The following NBEA variants were observed in gnomAD, a reference collection of about 807,000 sequenced individuals.
The protein encoded by NBEA is lysosomal-trafficking regulator 2.
Under a neutral mutation model 343.4 loss-of-function variants are expected in NBEA, and 44 were observed. The observed-to-expected ratio is 0.13, with a 90% CI of 0.10 to 0.16. The LOEUF (loss-of-function observed/expected upper bound fraction) is 0.16, where lower values mean the gene tolerates loss of function less well. Among genes scored for constraint, NBEA ranks in the 10% least tolerant of loss-of-function variants. The probability of loss-of-function intolerance (pLI) is 1.00; values close to 1 mark genes in which losing one functional copy is unlikely to be tolerated. For synonymous variants in NBEA, 1,175 were observed against 1,238.7 expected (o/e 0.95, Z 1.08); for missense variants, 2,555 against 3,631.3 (o/e 0.70, Z 7.62).
intron 31 of NBEA, among the ~76,000 whole-genome samples, chr13:35,199,842 T>C (rs892722784): frequency 2.0e-5 from 3 of 152,142 alleles, no homozygotes; most frequent in Non-Finnish European, 4.4e-5. Context: ...TTATGAAATA[T>C]TACATAAATG....
chr13:35,610,814 T>C (rs1046237533), intron 48 of NBEA, among the ~76,000 whole-genome samples: 6 of 152,042 alleles, frequency 3.9e-5, no homozygotes, highest in Non-Finnish European at 5.9e-5. Flanking sequence ...GACTAGGATC[T>C]AAAATATATA....
At chr13:35,125,350 G>GA (rs935894480) in intron 17 of NBEA, among the ~76,000 whole-genome samples, 2 of 152,172 alleles carry the variant, frequency 1.3e-5, no homozygotes, top group African/African-American at 4.8e-5. Flanking sequence ...AAGTGTCAGT[G>GA]AAAGTAGAGT....
chr13:34,942,532 A>C lies in NBEA; in HGVS notation c.-289A>C. The C allele has an allele frequency of 5.7e-6, 1 of 176,074 alleles. No individual in the cohort carries two copies. Among genetic ancestry groups the C allele is most frequent in the Non-Finnish European group, 9.9e-6 (1 of 100,532 alleles). The allele number at this position is 176,074 out of a possible 1,614,324, so 10.9% of individuals were successfully genotyped here. On this transcript the variant is annotated 5_prime_UTR_variant, in exon 1 of 59. Coordinates refer to ENST00000379939, the MANE Select transcript of NBEA (RefSeq NM_001385012.1). ...AGAGAGCAGAGGCAGCGGCGGCGGC[A>C]GCGGCAGCGGCAGCGGCACACCTGC... is the stretch of plus-strand genomic sequence containing the variant.
At chr13:35,469,387 G>A (rs1405750113) in intron 40 of NBEA, among the ~76,000 whole-genome samples, 1 of 151,992 alleles carries the variant, frequency 6.6e-6, no homozygotes, top group African/African-American at 2.4e-5. Context: ...GGCGGTTTTT[G>A]TTCTAGTTCA....
intron 28 of NBEA, among the ~76,000 whole-genome samples, chr13:35,181,934 A>G (rs1311708098): frequency 1.3e-5 from 2 of 151,522 alleles, no homozygotes; most frequent in African/African-American, 4.8e-5. Flanking sequence ...CTAGGATTTT[A>G]TATGTATTTC....
intron 31 of NBEA, among the ~76,000 whole-genome samples, chr13:35,202,618 C>G (rs977790596): frequency 6.6e-6 from 1 of 152,106 alleles, no homozygotes; most frequent in African/African-American, 2.4e-5. Flanking sequence ...TATCCTTATA[C>G]CACTTTTCCT....
chr13:35,064,419 A>T (rs566744558), intron 8 of NBEA, among the ~76,000 whole-genome samples: 2 of 152,204 alleles, frequency 1.3e-5, no homozygotes, highest in South Asian at 4.1e-4. Flanking sequence ...TAGACACAGG[A>T]TAATAGATTA....
At chr13:35,069,360 C>T (rs1304624384) in intron 8 of NBEA, among the ~76,000 whole-genome samples, 1 of 151,662 alleles carries the variant, frequency 6.6e-6, no homozygotes, top group Non-Finnish European at 1.5e-5. Flanking sequence ...AAAGTAATAA[C>T]ATGTTTTAAT....
At chr13:35,089,131 A>C (rs1391371900) in intron 10 of NBEA, among the ~76,000 whole-genome samples, 6 of 79,082 alleles carry the variant, frequency 7.6e-5, no homozygotes, top group East Asian at 7.2e-4. Context: ...CAACCTACAA[A>C]ATGGGAGAAA....
intron 48 of NBEA, among the ~76,000 whole-genome samples, chr13:35,621,775 T>C (rs1434234940): frequency 1.3e-5 from 2 of 152,212 alleles, no homozygotes; most frequent in Non-Finnish European, 2.9e-5. Context: ...TTAATAAACC[T>C]ATAAATATTT....
intron 10 of NBEA, among the ~76,000 whole-genome samples, chr13:35,090,404 C>G (rs1318428315): frequency 6.6e-6 from 1 of 151,828 alleles, no homozygotes; most frequent in South Asian, 2.1e-4. Context: ...TGTATACACA[C>G]GAAGTAGGAA....
chr13:35,155,889 T>A, intron 19 of NBEA, 34 bp downstream of exon 19: 1 of 1,570,734 alleles, frequency 6.4e-7, no homozygotes, highest in South Asian at 1.1e-5. Context: ...TGTATTGTGG[T>A]AGGCGCATGG....
intron 31 of NBEA, among the ~76,000 whole-genome samples, chr13:35,202,578 C>T (rs187634481): frequency 1.3e-5 from 2 of 152,036 alleles, no homozygotes; most frequent in African/African-American, 2.4e-5. Context: ...CAAAATTTAC[C>T]GAACTGTTTA....
intron 36 of NBEA, among the ~76,000 whole-genome samples, chr13:35,311,852 C>A (rs1039699516): frequency 8.6e-5 from 13 of 151,944 alleles, no homozygotes; most frequent in African/African-American, 2.9e-4. Context: ...GAGACTTCGT[C>A]CCCCCACCAA....
chr13:35,573,773 A>T (rs148184517), intron 45 of NBEA, among the ~76,000 whole-genome samples: 124 of 152,302 alleles, frequency 8.1e-4, no homozygotes, highest in African/African-American at 2.8e-3. Context: ...CTCTTAGAAG[A>T]ATCCTACCTA....
At chr13:35,223,929 A>T (rs943958548) in intron 33 of NBEA, among the ~76,000 whole-genome samples, 1 of 152,142 alleles carries the variant, frequency 6.6e-6, no homozygotes, top group Non-Finnish European at 1.5e-5. Flanking sequence ...TTCCAGGCTC[A>T]CTCAGGTTAT....
intron 29 of NBEA, among the ~76,000 whole-genome samples, chr13:35,183,409 A>G (rs944992063): frequency 1.3e-5 from 2 of 152,032 alleles, no homozygotes; most frequent in Non-Finnish European, 2.9e-5. Flanking sequence ...AGTGAGTAGA[A>G]ATTAGTGGTC....
In NBEA at chr13:35,560,678, G is replaced by C. The variant is rs181892895; in HGVS notation, c.6922+5576G>C. On this transcript the variant is annotated intron_variant, in intron 44 of 58. Transcript: ENST00000379939. ...CAGGGTGCCTGGGGCTGGGGTAACC[G>C]TTCAAAGTTGTCTTGGCTTGAGGCA... 3.8e-3 allele frequency among the ~76,000 whole-genome samples: 575 copies of C among 152,274 alleles called. 1 individual carries two copies. The highest frequency in any genetic ancestry group is 6.4e-3 in the Non-Finnish European group (432 of 68,026).
chr13:35,204,456 C>T (rs573047961), intron 31 of NBEA, among the ~76,000 whole-genome samples: 2 of 152,220 alleles, frequency 1.3e-5, no homozygotes, highest in South Asian at 4.1e-4. Flanking sequence ...ATAAACCCAT[C>T]AGATCTCATG....
Sources: gnomAD v4.1 joint callset for allele counts (sites outside exome capture counted in the v4.1 genomes callset) on GRCh38, gnomAD v4.1.1 for gene constraint, MANE v1.5 for transcripts, NCBI Gene and HGNC (gene_info 2026-07-23, HGNC 2026-07-21) for gene names.